DNAI1: variants seen among roughly 807,000 people sequenced by gnomAD.
DNAI1 encodes dynein, axonemal, intermediate polypeptide 1.
Under a neutral mutation model 92.0 loss-of-function variants are expected in DNAI1, and 67 were observed. The ratio of observed to expected loss-of-function variants is 0.73; its 90% CI spans 0.60 to 0.89. The LOEUF is 0.89. Among genes scored for constraint, DNAI1 ranks in the 40% least tolerant of loss-of-function variants. DNAI1 has a pLI of 0.00. For synonymous variants in DNAI1, 323 were observed against 319.6 expected (o/e 1.01, Z -0.11); for missense variants, 839 against 866.6 (o/e 0.97, Z 0.40).
Position 34,493,273 on chromosome 9 carries a change from T to C in DNAI1, c.761T>C (p.Val254Ala). 2 of 1,614,092 alleles carry C rather than the reference T, an allele frequency of 1.2e-6. No homozygotes were observed. Among genetic ancestry groups the C allele is most frequent in the Non-Finnish European group, 1.7e-6 (2 of 1,179,996 alleles). ...GAGAAGGAGAAGGCAAAGACCCCAG[T>C]GGCTAAAAAATCAGGGAAGATGGCC... ...TKEKEKAKTP[V>A]AKKSGKMAMR... is the part of the protein sequence containing the mutation. Residue 254 changes from valine to alanine, a missense_variant, in exon 9 of 20, where the codon GTG (valine) becomes GCG (alanine). Val to Ala is a moderately conservative substitution (Grantham distance 64). Transcript: ENST00000242317.
intron 8 of DNAI1, among the ~76,000 whole-genome samples, chr9:34,492,521 T>G (rs1212918396): frequency 2.2e-4 from 27 of 121,020 alleles, no homozygotes; most frequent in Non-Finnish European, 1.4e-4. Context: ...TATATATATA[T>G]ATATATATAT....
chr9:34,497,177 T>C lies in DNAI1; in HGVS notation c.879T>C (p.Asn293=). The C allele has an allele frequency of 1.2e-6, 2 of 1,613,930 alleles. No individual in the cohort carries two copies. Among genetic ancestry groups the C allele is most frequent in the Non-Finnish European group, 1.7e-6 (2 of 1,179,792 alleles). The change falls in exon 10 of 20, where the codon AAT becomes AAC. Residue 293 remains asparagine, a synonymous_variant. Coordinates refer to ENST00000242317, the MANE Select transcript of DNAI1 (RefSeq NM_012144.4). ...AKIMERMVNQ[N]TYDDIAQDFK... is the part of the protein sequence containing the mutation. ...TCATGGAGCGGATGGTCAACCAGAA[T>C]ACATATGATGACATTGCTCAAGGTA... is the stretch of plus-strand genomic sequence containing the variant.
rs561908091 is a variant in DNAI1, at chr9:34,483,459, A to C, written c.60A>C (p.Ile20=). The C allele has an allele frequency of 4.3e-6, 7 of 1,612,398 alleles. No individual in the cohort carries two copies. The highest frequency in any genetic ancestry group is 1.7e-5 in the Admixed American group (1 of 60,006). Residue 20 remains isoleucine, a synonymous_variant, in exon 2 of 20, where the codon ATA becomes ATC. Transcript: ENST00000242317. ...TGTTCTTCATTTAGAGCATCAGCAT[A>C]GGCAGAGGAACCAGGAAGAGAGTAA... ...HKQPHKQSIS[I]GRGTRKRDED... is the part of the protein sequence containing the mutation.
chr9:34,497,223 C>G (rs761914624), intron 10 of DNAI1, 24 bp downstream of exon 10: 6 of 1,566,016 alleles, frequency 3.8e-6, no homozygotes, highest in African/African-American at 1.4e-5. Context: ...TTCTGGCAAC[C>G]ACTATTATTG....
intron 2 of DNAI1, among the ~76,000 whole-genome samples, 170 bp downstream of exon 2, chr9:34,483,650 TC>T (rs1350563254): frequency 6.6e-6 from 1 of 152,224 alleles, no homozygotes; most frequent in Non-Finnish European, 1.5e-5. Context: ...TGATGTTACA[TC>T]CTCTCAGATA....
At position 34,458,929 on chromosome 9, in the gene DNAI1, TTGTG is replaced by T. The variant is rs1289097641; in HGVS notation, c.-72_-69del. The T allele has an allele frequency of 6.8e-6, 9 of 1,330,718 alleles. No homozygotes were observed. The African/African-American group carries it at 1.3e-4, about 19-fold the overall frequency. 82.4% of individuals were successfully genotyped at this position (1,330,718 alleles called of 1,614,324 possible). A position where few individuals can be genotyped will look rare whatever the true frequency, so the allele number is the denominator to read the frequency against. On this transcript the variant is annotated 5_prime_UTR_variant, in exon 1 of 20. Coordinates refer to ENST00000242317, the MANE Select transcript of DNAI1 (RefSeq NM_012144.4). The surrounding 1 kb of genome is among the most constrained non-coding windows in gnomAD (Gnocchi z 6.6). ...TGAAGTGGAAGAGAGTCCAGATTTC[TTGTG>T]TGTGGTCAAGGAGACGGACAAACTT...
At chr9:34,480,018 T>C (rs970291741) in intron 1 of DNAI1, among the ~76,000 whole-genome samples, 8 of 152,312 alleles carry the variant, frequency 5.3e-5, no homozygotes, top group Admixed American at 4.6e-4. Context: ...TTTGGGAAAC[T>C]GAGGCTGCCC....
intron 9 of DNAI1, among the ~76,000 whole-genome samples, chr9:34,493,610 T>C (rs1048694996): frequency 5.3e-5 from 8 of 152,048 alleles, no homozygotes; most frequent in Non-Finnish European, 1.2e-4. Flanking sequence ...TTGAAAGCAC[T>C]ATATGCCTTC....
intron 12 of DNAI1, among the ~76,000 whole-genome samples, chr9:34,503,777 T>C (rs999560534): frequency 6.6e-6 from 1 of 152,090 alleles, no homozygotes; most frequent in East Asian, 1.9e-4. Context: ...GTGAGCACAA[T>C]AGGCTGCTTA....
chr9:34,501,997 G>T (rs1824841717), intron 12 of DNAI1, among the ~76,000 whole-genome samples: 1 of 152,238 alleles, frequency 6.6e-6, no homozygotes, highest in South Asian at 2.1e-4. Context: ...ACACTTCACA[G>T]TAGTCTCGCT....
intron 9 of DNAI1, among the ~76,000 whole-genome samples, chr9:34,496,738 C>G (rs1824732401): frequency 6.6e-6 from 1 of 152,164 alleles, no homozygotes; most frequent in African/African-American, 2.4e-5. Flanking sequence ...TTTCTGTCTC[C>G]ACCAAAGAAG....
chr9:34,480,819 G>A (rs774696751), intron 1 of DNAI1, among the ~76,000 whole-genome samples: 5 of 152,218 alleles, frequency 3.3e-5, no homozygotes, highest in Admixed American at 2.6e-4. Context: ...AGTGGCTCAC[G>A]CCTGTAATCC....
intron 7 of DNAI1, chr9:34,491,263 C>T: frequency 1.7e-6 from 1 of 604,410 alleles, no homozygotes; most frequent in South Asian, 1.9e-5. Flanking sequence ...AGTCAGGCTT[C>T]CCTGCCCCTG....
intron 1 of DNAI1, among the ~76,000 whole-genome samples, chr9:34,460,785 A>G (rs930679425): frequency 6.6e-6 from 1 of 152,074 alleles, no homozygotes; most frequent in Non-Finnish European, 1.5e-5. Context: ...CAGCCTCCCA[A>G]GTAGCTGGGA....
At chr9:34,489,909 C>G in intron 5 of DNAI1, 103 bp from the exon 6 acceptor site, 1 of 1,537,768 alleles carries the variant, frequency 6.5e-7, no homozygotes, top group Non-Finnish European at 8.8e-7. Flanking sequence ...ACCCATGACA[C>G]TCAGGCCAAG....
At chr9:34,492,161 T>TGA (rs1587072426) in intron 8 of DNAI1, among the ~76,000 whole-genome samples, 1 of 152,016 alleles carries the variant, frequency 6.6e-6, no homozygotes, top group East Asian at 1.9e-4. Context: ...AGGGTCTGAA[T>TGA]GAGATAACAA....
intron 7 of DNAI1, among the ~76,000 whole-genome samples, chr9:34,491,012 T>G (rs533499031): frequency 1.3e-5 from 2 of 152,320 alleles, no homozygotes; most frequent in African/African-American, 4.8e-5. Context: ...AGGGTGAGTT[T>G]TTGACAGTGC....
intron 1 of DNAI1, among the ~76,000 whole-genome samples, chr9:34,481,977 T>C (rs923094079): frequency 2.0e-5 from 3 of 152,208 alleles, no homozygotes; most frequent in African/African-American, 7.2e-5. Context: ...ATCCTGCTGA[T>C]TGGTAGAGCC....
chr9:34,518,813 C>G (rs981468986), intron 19 of DNAI1, among the ~76,000 whole-genome samples: 1 of 150,184 alleles, frequency 6.7e-6, no homozygotes, highest in Admixed American at 6.6e-5. Flanking sequence ...GTAAGCATCT[C>G]CCATAGTTTC....
Sources: allele counts gnomAD v4.1 joint callset (sites outside exome capture counted in the v4.1 genomes callset), GRCh38; gene constraint gnomAD v4.1.1; non-coding constraint Gnocchi (gnomAD v3.1); transcripts MANE v1.5; gene names NCBI Gene and HGNC (gene_info 2026-07-23, HGNC 2026-07-21).